The following PRMT3 variants were observed in gnomAD, a reference collection of about 807,000 sequenced individuals.
PRMT3 encodes protein arginine N-methyltransferase 3.
In PRMT3, 62 loss-of-function variants were observed where a neutral mutation model predicts 71.9. The ratio of observed to expected loss-of-function variants is 0.86; its 90% CI spans 0.70 to 1.07. The LOEUF (loss-of-function observed/expected upper bound fraction) is 1.07, where lower values mean the gene tolerates loss of function less well. PRMT3 is among the 50% of genes least tolerant of loss of function. The pLI is 0.00. For missense variants in PRMT3, 663 were observed against 643.0 expected, an observed-to-expected ratio of 1.03 and a Z score of -0.34; for synonymous variants, 213 against 220.4, an observed-to-expected ratio of 0.97 and a Z score of 0.30.
chr11:20,414,131 T>A (rs1438698324), intron 9 of PRMT3, among the ~76,000 whole-genome samples: 2 of 152,116 alleles, frequency 1.3e-5, no homozygotes, highest in African/African-American at 4.8e-5. Context: ...GGTAGAAGGA[T>A]CCCTTGAGAC....
At chr11:20,412,399 C>A (rs75358988) in intron 9 of PRMT3, among the ~76,000 whole-genome samples, 3 of 1,328 alleles carry the variant, frequency 2.3e-3, no homozygotes, top group Admixed American at 5.9e-3. Flanking sequence ...TAGTCTGAAC[C>A]CCCCCCCCAC....
intron 4 of PRMT3, 79 bp downstream of exon 4, chr11:20,392,339 A>G: frequency 1.4e-6 from 2 of 1,391,544 alleles, no homozygotes; most frequent in Non-Finnish European, 1.9e-6. Flanking sequence ...CTGATTATTT[A>G]AAAGAATATG....
intron 5 of PRMT3, 26 bp from the exon 6 acceptor site, chr11:20,395,777 A>G: frequency 6.2e-7 from 1 of 1,600,152 alleles, no homozygotes; most frequent in Non-Finnish European, 8.5e-7. Context: ...AGATGGCCTG[A>G]TAATAATGTC....
chr11:20,439,322 C>G (rs373090738), intron 10 of PRMT3, among the ~76,000 whole-genome samples: 4,709 of 152,230 alleles, frequency 0.031, 244 homozygotes, highest in African/African-American at 0.11. Flanking sequence ...AGAAGTTCTC[C>G]TGATTCCCAC....
chr11:20,440,578 G>T (rs1849871138), intron 10 of PRMT3, among the ~76,000 whole-genome samples: 1 of 151,130 alleles, frequency 6.6e-6, no homozygotes, highest in Non-Finnish European at 1.5e-5. Context: ...ACATTTAAGA[G>T]CATGAAAAGC....
intron 15 of PRMT3, 104 bp downstream of exon 15, chr11:20,494,358 A>C: frequency 9.8e-7 from 1 of 1,021,044 alleles, no homozygotes; most frequent in Non-Finnish European, 1.5e-6. Flanking sequence ...TTGTTTTTTG[A>C]GACGGAGTCT....
chr11:20,455,184 T>C (rs1850241483), intron 11 of PRMT3, among the ~76,000 whole-genome samples: 1 of 152,092 alleles, frequency 6.6e-6, no homozygotes, highest in African/African-American at 2.4e-5. Context: ...CTAAAATAAA[T>C]GTATATTTTA....
At chr11:20,424,175 C>T (rs574393071) in intron 9 of PRMT3, among the ~76,000 whole-genome samples, 124 of 93,582 alleles carry the variant, frequency 1.3e-3, no homozygotes, top group Admixed American at 2.0e-3. Context: ...CAAAGCAAGA[C>T]GCCATCTCAA....
intron 10 of PRMT3, among the ~76,000 whole-genome samples, chr11:20,439,920 A>G (rs1054160402): frequency 6.6e-6 from 1 of 152,218 alleles, no homozygotes; most frequent in Non-Finnish European, 1.5e-5. Flanking sequence ...TTACTTGTGC[A>G]AAGACTGACA....
At chr11:20,459,274 A>G (rs1850331521) in intron 11 of PRMT3, among the ~76,000 whole-genome samples, 1 of 152,240 alleles carries the variant, frequency 6.6e-6, no homozygotes, top group Non-Finnish European at 1.5e-5. Flanking sequence ...AACTGTATCA[A>G]CTATGTTAAG....
At chr11:20,437,588 T>C (rs1455458485) in intron 10 of PRMT3, among the ~76,000 whole-genome samples, 1 of 149,290 alleles carries the variant, frequency 6.7e-6, no homozygotes, top group Non-Finnish European at 1.5e-5. Context: ...AGCAGCATAG[T>C]TTTTTTTGTT....
intron 7 of PRMT3, 52 bp from the exon 8 acceptor site, chr11:20,402,867 T>C: frequency 7.0e-7 from 1 of 1,423,112 alleles, no homozygotes; most frequent in South Asian, 1.2e-5. Context: ...CTTAAAAAAT[T>C]TATTTGTTTA....
chr11:20,394,390 G>C (rs965829062), intron 5 of PRMT3, among the ~76,000 whole-genome samples: 2 of 151,798 alleles, frequency 1.3e-5, no homozygotes, highest in Non-Finnish European at 2.9e-5. Flanking sequence ...CCTTGCCCAG[G>C]ATGAAAAATT....
intron 11 of PRMT3, among the ~76,000 whole-genome samples, chr11:20,460,293 T>G (rs1565221895): frequency 6.6e-6 from 1 of 152,214 alleles, no homozygotes; most frequent in South Asian, 2.1e-4. Flanking sequence ...ACATTTATAC[T>G]TGTTTCATTT....
At chr11:20,425,145 G>A (rs1849519107) in intron 9 of PRMT3, among the ~76,000 whole-genome samples, 1 of 151,652 alleles carries the variant, frequency 6.6e-6, no homozygotes, top group African/African-American at 2.4e-5. Flanking sequence ...CTGACCTGAT[G>A]TTTTAAATGG....
chr11:20,399,953 C>A (rs1848913344), intron 7 of PRMT3, among the ~76,000 whole-genome samples: 1 of 152,170 alleles, frequency 6.6e-6, no homozygotes, highest in South Asian at 2.1e-4. Context: ...GTAATTTCCT[C>A]CCCTTGGAAA....
At chr11:20,416,013 C>G (rs1281333676) in intron 9 of PRMT3, among the ~76,000 whole-genome samples, 1 of 152,196 alleles carries the variant, frequency 6.6e-6, no homozygotes, top group Admixed American at 6.5e-5. Flanking sequence ...CTGTTGGAGA[C>G]AGAGTCCTGT....
intron 7 of PRMT3, 106 bp from the exon 8 acceptor site, chr11:20,402,813 T>G: frequency 1.4e-6 from 1 of 740,644 alleles, no homozygotes; most frequent in Non-Finnish European, 2.2e-6. Flanking sequence ...GTATAAAAAC[T>G]GCTATGGAAA....
intron 10 of PRMT3, among the ~76,000 whole-genome samples, chr11:20,441,355 G>A (rs1440969347): frequency 2.0e-5 from 3 of 150,910 alleles, no homozygotes; most frequent in African/African-American, 4.9e-5. Context: ...GCCCAGGCTG[G>A]AGTGCAGTGG....
Sources: allele counts gnomAD v4.1 joint callset (sites outside exome capture counted in the v4.1 genomes callset), GRCh38; gene constraint gnomAD v4.1.1; transcripts MANE v1.5; gene names NCBI Gene and HGNC (gene_info 2026-07-23, HGNC 2026-07-21).